STARD8: variants seen among roughly 807,000 people sequenced by gnomAD.
STARD8 encodes the protein StAR related lipid transfer domain containing 8.
A neutral mutation model predicts 69.4 loss-of-function variants in STARD8; 25 were observed. The ratio of observed to expected loss-of-function variants is 0.36; its 90% CI spans 0.26 to 0.50. The LOEUF (loss-of-function observed/expected upper bound fraction) is 0.50, where lower values mean the gene tolerates loss of function less well. STARD8 is among the 20% of genes least tolerant of loss of function. The pLI is 0.96. For missense variants in STARD8, 921 were observed against 932.5 expected, an observed-to-expected ratio of 0.99 and a Z score of 0.16; for synonymous variants, 389 against 374.6, an observed-to-expected ratio of 1.04 and a Z score of -0.45.
chrX:68,666,074 A>G (rs148607855), intron 2 of STARD8, among the ~76,000 whole-genome samples: 314 of 111,791 alleles, frequency 2.8e-3, no homozygotes, highest in African/African-American at 9.7e-3. Context: ...TGTGAGCCCA[A>G]CTTCCCATCT....
intron 2 of STARD8, among the ~76,000 whole-genome samples, chrX:68,687,911 C>T (rs1445678125): frequency 8.9e-6 from 1 of 112,523 alleles, no homozygotes; most frequent in Non-Finnish European, 1.9e-5. Context: ...CTGCCATTGC[C>T]TCCCCCACTG....
At position 68,719,206 on chromosome X, in the gene STARD8, T is replaced by C; in HGVS notation, c.1716-19T>C. 8.6e-7 allele frequency: 1 copy of C among 1,166,640 alleles called. No individual in the cohort carries two copies. On this transcript the variant is annotated intron_variant, in intron 6 of 14. Transcript: ENST00000374599. Reference sequence around the variant, plus strand: ...CTGCTCCTCTGGGCTTCTCCACCCCTCTCACCGCCCCCCACCAGGAAGCTC... The same window carrying C: ...CTGCTCCTCTGGGCTTCTCCACCCCCCTCACCGCCCCCCACCAGGAAGCTC...
intron 1 of STARD8, among the ~76,000 whole-genome samples, chrX:68,653,421 A>C (rs2079586547): frequency 2.7e-5 from 1 of 37,533 alleles, no homozygotes; most frequent in Non-Finnish European, 4.9e-5. Context: ...ACCACACCAC[A>C]CACACCACAC....
At chrX:68,712,399 T>A (rs1325173884) in intron 2 of STARD8, among the ~76,000 whole-genome samples, 1 of 112,159 alleles carries the variant, frequency 8.9e-6, no homozygotes, top group African/African-American at 3.2e-5. Context: ...CACCAGTTAT[T>A]GTGTGTGTGA....
Position 68,707,209 on chromosome X carries a change from C to T in STARD8, c.80-5705C>T, listed in dbSNP as rs1028590087. The stretch of plus-strand genomic sequence containing the variant: ...TGCTTTTCCAAATAGGAAGCTAAGT[C>T]AGGTAAAGGAGGCCACCACGTGTTT... On this transcript the variant is annotated intron_variant, in intron 2 of 14. Coordinates refer to ENST00000374599, the MANE Select transcript of STARD8 (RefSeq NM_001142503.3). 2.7e-5 allele frequency among the ~76,000 whole-genome samples: 3 copies of T among 112,641 alleles called. No individual in the cohort carries two copies. The South Asian group carries it at 1.1e-3, about 41-fold the overall frequency.
Position 68,721,518 on chromosome X carries a change from T to C in STARD8, c.2249-18T>C. On this transcript the variant is annotated intron_variant, in intron 9 of 14. Transcript: ENST00000374599. ...CTGGGGAAGTAAGGAAGGCTCTTCTTCCATTGCTTCCTCACAGTCCTCCCC... is the reference window on the plus strand; with the variant it reads ...CTGGGGAAGTAAGGAAGGCTCTTCTCCCATTGCTTCCTCACAGTCCTCCCC... 8.3e-7 allele frequency: 1 copy of C among 1,206,460 alleles called. No homozygotes were observed. The highest frequency in any genetic ancestry group is 1.1e-6 in the Non-Finnish European group (1 of 892,528).
chrX:68,723,932 C>A lies in STARD8; in HGVS notation c.3018-13C>A, dbSNP rs373578100. 38 of 1,209,565 alleles carry A rather than the reference C, an allele frequency of 3.1e-5. No homozygotes were observed. The African/African-American group carries it at 5.7e-4, about 18-fold the overall frequency. On this transcript the variant is annotated splice_polypyrimidine_tract_variant and intron_variant, in intron 13 of 14. Transcript: ENST00000374599. ...CACTAGGAATCTGAGCCTACGTGTC[C>A]CTTCTCCAATAGGATGTGGCGCTCT...
intron 2 of STARD8, among the ~76,000 whole-genome samples, chrX:68,681,263 C>T (rs145356257): frequency 9.8e-5 from 11 of 111,704 alleles, no homozygotes; most frequent in South Asian, 3.8e-4. Flanking sequence ...GGAAAGCTGC[C>T]GTACGCTGCT....
At chrX:68,653,654 C>T (rs1353369900) in intron 1 of STARD8, among the ~76,000 whole-genome samples, 1 of 83,654 alleles carries the variant, frequency 1.2e-5, no homozygotes, top group South Asian at 7.2e-4. Context: ...ACACCATACA[C>T]GCCACATACA....
intron 3 of STARD8, among the ~76,000 whole-genome samples, chrX:68,713,883 A>T (rs962396338): frequency 4.5e-5 from 5 of 112,036 alleles, no homozygotes; most frequent in African/African-American, 1.6e-4. Flanking sequence ...GGTGTCTCGG[A>T]TTAAACAGGT....
Position 68,695,057 on chromosome X carries a change from T to C in STARD8, c.80-17857T>C, listed in dbSNP as rs1210881287. Among the ~76,000 whole-genome samples the C allele has an allele frequency of 8.2e-5, 9 of 110,379 alleles. No individual in the cohort carries two copies. The East Asian group carries it at 2.3e-3, about 28-fold the overall frequency. On this transcript the variant is annotated intron_variant, in intron 2 of 14. Transcript: ENST00000374599. ...CCCTGACTCCTCCTGTGCGACCTGC[T>C]CCCTCCCCACTCTAGGGTTTGCCGC... is the stretch of plus-strand genomic sequence containing the variant.
chrX:68,675,922 A>G (rs2079762274), intron 2 of STARD8, among the ~76,000 whole-genome samples: 1 of 112,117 alleles, frequency 8.9e-6, no homozygotes, highest in African/African-American at 3.2e-5. Context: ...GGCTGCTAAC[A>G]GACTCTGCCT....
At chrX:68,693,914 C>T (rs1048579298) in intron 2 of STARD8, 12 of 646,846 alleles carry the variant, frequency 1.9e-5, no homozygotes, top group Non-Finnish European at 2.2e-5. Flanking sequence ...CTGGCGCGCT[C>T]CGGCTCGGCC....
At chrX:68,682,851 C>T in intron 2 of STARD8, among the ~76,000 whole-genome samples, 1 of 112,488 alleles carries the variant, frequency 8.9e-6, no homozygotes, top group South Asian at 3.7e-4. Context: ...CTTGTGGGTG[C>T]TTTGAATGCC....
chrX:68,668,057 T>TTTCCTTTC (rs1235300300), intron 2 of STARD8, among the ~76,000 whole-genome samples: 3 of 71,566 alleles, frequency 4.2e-5, no homozygotes, highest in African/African-American at 1.6e-4. Context: ...TCTCTCTTTC[T>TTTCCTTTC]TTTCTTTCTT....
intron 1 of STARD8, among the ~76,000 whole-genome samples, chrX:68,660,119 G>C (rs754239972): frequency 7.2e-5 from 8 of 110,887 alleles, no homozygotes; most frequent in Admixed American, 6.7e-4. Flanking sequence ...TGCACCCTTG[G>C]GGGGAGACAG....
chrX:68,688,458 G>A (rs1210782396), intron 2 of STARD8, among the ~76,000 whole-genome samples: 5 of 110,007 alleles, frequency 4.5e-5, no homozygotes, highest in Non-Finnish European at 9.5e-5. Context: ...AGGGCGCCAC[G>A]TCTGGTGGCA....
intron 2 of STARD8, among the ~76,000 whole-genome samples, chrX:68,666,542 C>T (rs1332565717): frequency 1.8e-5 from 2 of 112,298 alleles, no homozygotes; most frequent in Non-Finnish European, 3.8e-5. Context: ...TTGGGCGAAT[C>T]ACGCCAGGAT....
intron 1 of STARD8, among the ~76,000 whole-genome samples, chrX:68,663,868 T>C (rs2079665923): frequency 8.9e-6 from 1 of 111,980 alleles, no homozygotes; most frequent in Non-Finnish European, 1.9e-5. Flanking sequence ...ATTCTAGAAC[T>C]TTTTATCTCC....
Sources: allele counts gnomAD v4.1 joint callset (sites outside exome capture counted in the v4.1 genomes callset), GRCh38; gene constraint gnomAD v4.1.1; transcripts MANE v1.5; gene names NCBI Gene and HGNC (gene_info 2026-07-23, HGNC 2026-07-21).